Variants in WDR13 observed in about 807,000 individuals in gnomAD.
WDR13 encodes WD repeat domain 13.
WDR13 carries 1 observed loss-of-function variant against 28.6 expected under a neutral mutation model. The ratio of observed to expected loss-of-function variants is 0.03; its 90% CI spans 0.01 to 0.17. The LOEUF (loss-of-function observed/expected upper bound fraction) is 0.17. WDR13 is among the 10% of genes least tolerant of loss of function. The probability of loss-of-function intolerance (pLI) is 1.00; values close to 1 mark genes in which losing one functional copy is unlikely to be tolerated. For missense variants in WDR13, 264 were observed against 469.3 expected (o/e 0.56, Z 4.04); for synonymous variants, 201 against 185.9 (o/e 1.08, Z -0.66).
rs782390154 is a variant in WDR13 at position 48,602,045 on chromosome X, C to T, written c.1013-20C>T. On this transcript the variant is annotated intron_variant, in intron 7 of 9. Coordinates refer to ENST00000376729, the MANE Select transcript of WDR13 (RefSeq NM_001347217.2). ...CAGCCCTCACCCTCACCTTTGCCTT[C>T]CCTCCCTCTGCTGCTGCAGGGAAGC... 3.3e-6 allele frequency: 4 copies of T among 1,208,698 alleles called. No homozygotes were observed. The East Asian group carries it at 1.2e-4, about 36-fold the overall frequency.
At chrX:48,599,212 T>C in intron 3 of WDR13, 141 bp from the exon 4 acceptor site, 5 of 609,347 alleles carry the variant, frequency 8.2e-6, no homozygotes, top group Non-Finnish European at 1.3e-5. Context: ...GCCACTGCAG[T>C]AGTACAAGTG....
At chrX:48,597,736 C>T (rs2062152207) in intron 1 of WDR13, 122 bp downstream of exon 1, 2 of 356,553 alleles carry the variant, frequency 5.6e-6, no homozygotes, top group Non-Finnish European at 9.5e-6. Flanking sequence ...GTTGCTATGG[C>T]GACTGGGGAG....
rs781787685 is a variant in WDR13 at position 48,604,329 on chromosome X, C to T, written c.1212C>T (p.Ser404=). The change falls in exon 9 of 10, where the codon AGC becomes AGT. Residue 404 remains serine (S), a synonymous_variant. Transcript: ENST00000376729. Reference sequence around the variant, plus strand: ...AGAGAAGCTTCCCCATCGAGCAGAGCTCACATCCTGTGCGCAGCATCTTCT... The same window carrying T: ...AGAGAAGCTTCCCCATCGAGCAGAGTTCACATCCTGTGCGCAGCATCTTCT... ...QLKRSFPIEQ[S]SHPVRSIFCP... is the part of the protein sequence containing the mutation. The T allele has an allele frequency of 1.2e-5, 15 of 1,211,304 alleles. No homozygotes were observed. Among genetic ancestry groups the T allele is most frequent in the Non-Finnish European group, 1.5e-5 (13 of 895,258 alleles).
intron 4 of WDR13, 62 bp from the exon 5 acceptor site, chrX:48,599,525 A>G (rs935987397): frequency 1.7e-6 from 2 of 1,208,743 alleles, no homozygotes; most frequent in African/African-American, 3.4e-5. Context: ...CCCTGGGGCA[A>G]TGGCAGACTG....
At chrX:48,604,762 C>T in intron 9 of WDR13, 86 bp from the exon 10 acceptor site, 1 of 1,052,265 alleles carries the variant, frequency 9.5e-7, no homozygotes, top group South Asian at 2.2e-5. Flanking sequence ...CGGACATACA[C>T]CCTTCAACAC....
chrX:48,599,059 A>G (rs2062164245), intron 3 of WDR13, 102 bp downstream of exon 3: 2 of 1,070,332 alleles, frequency 1.9e-6, no homozygotes, highest in Non-Finnish European at 2.5e-6. Flanking sequence ...ACTGTTCTGC[A>G]TCAGCAGAGG....
intron 3 of WDR13, 92 bp downstream of exon 3, chrX:48,599,049 A>G: frequency 2.7e-6 from 3 of 1,100,946 alleles, no homozygotes; most frequent in Non-Finnish European, 3.6e-6. Context: ...TTTGCTGGGC[A>G]CTGTTCTGCA....
intron 8 of WDR13, among the ~76,000 whole-genome samples, chrX:48,602,895 C>G (rs1301753363): frequency 1.8e-5 from 2 of 111,258 alleles, no homozygotes; most frequent in Non-Finnish European, 3.8e-5. Context: ...TTCCCACAGC[C>G]TCTCCTTTCT....
Position 48,599,591 on chromosome X carries a change from C to T in WDR13, c.397C>T (p.Pro133Ser), listed in dbSNP as rs146736116. ...TCACTTCCTATTGGGGCCCAGGCCC[C>T]CTGGCAGCGTGGTGCCCACGTCAGC... is the stretch of plus-strand genomic sequence containing the variant. ...MNRAVYEDRPPGSVVPTSAAE... is the reference protein window; with the variant it reads ...MNRAVYEDRPSGSVVPTSAAE... Residue 133 changes from proline (P) to serine (S), a missense_variant, in exon 5 of 10, where the codon CCT becomes TCT. Physicochemically the swap from Pro to Ser is moderately conservative, Grantham distance 74. Transcript: ENST00000376729. 2.5e-6 allele frequency: 3 copies of T among 1,211,837 alleles called. No homozygotes were observed. The highest frequency in any genetic ancestry group is 3.5e-5 in the African/African-American group (2 of 57,768).
rs1305963253 is a variant in WDR13 at position 48,605,059 on chromosome X, C to G, written c.*27C>G. The G allele has an allele frequency of 5.1e-6, 6 of 1,182,234 alleles. No individual in the cohort carries two copies. The highest frequency in any genetic ancestry group is 6.8e-6 in the Non-Finnish European group (6 of 876,441). On this transcript the variant is annotated 3_prime_UTR_variant, in exon 10 of 10. Coordinates refer to ENST00000376729, the MANE Select transcript of WDR13 (RefSeq NM_001347217.2). ...GTCCTGTCGGCCCTGCTGCTGTCCT[C>G]CATCCCACCCCTCTTACTCCAGCCT...
At position 48,599,397 on chromosome X, in the gene WDR13, T is replaced by C; in HGVS notation, c.327T>C (p.Arg109=). 8.3e-7 allele frequency: 1 copy of C among 1,210,112 alleles called. No individual in the cohort carries two copies. The highest frequency in any genetic ancestry group is 1.1e-6 in the Non-Finnish European group (1 of 894,505). Residue 109 remains arginine, a synonymous_variant, in exon 4 of 10, where the codon CGT becomes CGC. Coordinates refer to ENST00000376729, the MANE Select transcript of WDR13 (RefSeq NM_001347217.2). ...DPRALGARGH[R]RSVSRGSYQL... ...GGGCCCTGGGGGCCCGTGGGCACCG[T>C]CGTTCTGTCAGCAGAGGCTCCTACC...
At chrX:48,603,000 G>C (rs1382250099) in intron 8 of WDR13, among the ~76,000 whole-genome samples, 2 of 108,733 alleles carry the variant, frequency 1.8e-5, no homozygotes, top group Non-Finnish European at 3.9e-5. Context: ...AATCCTAGGC[G>C]TGTACATATA....
At chrX:48,601,079 C>T (rs782161711) in intron 6 of WDR13, among the ~76,000 whole-genome samples, 1 of 111,953 alleles carries the variant, frequency 8.9e-6, no homozygotes, top group South Asian at 3.7e-4. Context: ...CGAGACTCCG[C>T]CCCCACCCCC....
At chrX:48,598,643 C>CGGGGGGGGGGGGGGGGGG in intron 2 of WDR13, 74 bp from the exon 3 acceptor site, 1 of 1,086,122 alleles carries the variant, frequency 9.2e-7, no homozygotes, top group Non-Finnish European at 1.2e-6. Flanking sequence ...ACTCTCCTGC[C>CGGGGGGGGGGGGGGGGGG]GTACCCCCCC....
chrX:48,606,869 G>A lies in WDR13; in HGVS notation c.*1837G>A, dbSNP rs1388797931. On this transcript the variant is annotated 3_prime_UTR_variant, in exon 10 of 10. Transcript: ENST00000376729. ...CTGAACTCGCACCAACAGTCTTGTT[G>A]GAGGGAAATAATCTCCCGTTTGTTC... The A allele has an allele frequency of 8.9e-6, 1 of 111,892 alleles. No individual in the cohort carries two copies. The highest frequency in any genetic ancestry group is 9.5e-5 in the Admixed American group (1 of 10,472). 9.2% of individuals were successfully genotyped at this position (111,892 alleles called of 1,213,427 possible).
rs1338722953 is a variant in WDR13 at position 48,598,050 on chromosome X, G to C, written c.41+13G>C. ...CAGTGGACGCGAGGTGAGGCGTGGGGTCAAAGCCCATGGGAGCAGAACTTA... is the reference window on the plus strand; with the variant it reads ...CAGTGGACGCGAGGTGAGGCGTGGGCTCAAAGCCCATGGGAGCAGAACTTA... On this transcript the variant is annotated intron_variant, in intron 2 of 9. Transcript: ENST00000376729. 1 of 1,163,843 alleles carries C rather than the reference G, an allele frequency of 8.6e-7. No individual in the cohort carries two copies. The highest frequency in any genetic ancestry group is 2.6e-5 in the Admixed American group (1 of 37,741).
Position 48,604,832 on chromosome X carries a change from C to A in WDR13, c.1274-16C>A. ...CCCAGGCGCCTCCCGATGGCCTCTC[C>A]CTCTCACCCCGACAGTGACGGGCAG... On this transcript the variant is annotated splice_polypyrimidine_tract_variant and intron_variant, in intron 9 of 9. Transcript: ENST00000376729. 1.7e-6 allele frequency: 2 copies of A among 1,198,304 alleles called. No individual in the cohort carries two copies. Among genetic ancestry groups the A allele is most frequent in the Non-Finnish European group, 1.1e-6 (1 of 885,008 alleles).
Position 48,601,870 on chromosome X carries a change from T to C in WDR13, c.918T>C (p.Arg306=). The C allele has an allele frequency of 7.5e-6, 9 of 1,207,074 alleles. No homozygotes were observed. Among genetic ancestry groups the C allele is most frequent in the Non-Finnish European group, 1.0e-5 (9 of 892,507 alleles). Residue 306 remains arginine, a synonymous_variant, in exon 7 of 10, where the codon CGT becomes CGC. Transcript: ENST00000376729. Reference sequence around the variant, plus strand: ...GGGGCTCCAGCAAGCTGACAGGCCGTGTCCTTGCTCTGTCCTTTGATGCCC... The same window carrying C: ...GGGGCTCCAGCAAGCTGACAGGCCGCGTCCTTGCTCTGTCCTTTGATGCCC... The part of the protein sequence containing the change: ...VKGGSSKLTG[R]VLALSFDAPG...
intron 3 of WDR13, 48 bp downstream of exon 3, chrX:48,599,005 A>G (rs782345510): frequency 8.6e-7 from 1 of 1,161,497 alleles, no homozygotes; most frequent in South Asian, 2.0e-5. Flanking sequence ...GCCTGCACAC[A>G]TTCACTCCAC....
Sources: allele counts gnomAD v4.1 joint callset (sites outside exome capture counted in the v4.1 genomes callset), GRCh38; gene constraint gnomAD v4.1.1; transcripts MANE v1.5; gene names NCBI Gene and HGNC (gene_info 2026-07-23, HGNC 2026-07-21).